KYNU: variants seen among roughly 807,000 people sequenced by gnomAD.
KYNU encodes the protein L-kynurenine hydrolase.
Under a neutral mutation model 59.2 loss-of-function variants are expected in KYNU, and 54 were observed. That is an observed-to-expected ratio of 0.91 (90% CI 0.73 to 1.14). The LOEUF is 1.14. Ranked by LOEUF, KYNU falls within the 50% of genes most tolerant of loss-of-function variation. The probability of loss-of-function intolerance (pLI) is 0.00; values close to 1 mark genes in which losing one functional copy is unlikely to be tolerated. For synonymous variants in KYNU, 177 were observed against 192.0 expected, an observed-to-expected ratio of 0.92 and a Z score of 0.65; for missense variants, 567 against 554.4, an observed-to-expected ratio of 1.02 and a Z score of -0.23.
intron 10 of KYNU, among the ~76,000 whole-genome samples, chr2:143,017,184 C>T (rs1232956245): frequency 7.2e-5 from 11 of 152,038 alleles, no homozygotes; most frequent in Non-Finnish European, 1.6e-4. Flanking sequence ...CATGTCTGTG[C>T]TATTGTGAGT....
At chr2:142,886,406 A>T (rs890050400) in intron 2 of KYNU, among the ~76,000 whole-genome samples, 40 of 152,306 alleles carry the variant, frequency 2.6e-4, no homozygotes, top group African/African-American at 9.6e-4. Context: ...TGTTAAAAAC[A>T]CCTATTTGTC....
At chr2:143,007,300 G>T (rs965599285) in intron 10 of KYNU, among the ~76,000 whole-genome samples, 1 of 150,038 alleles carries the variant, frequency 6.7e-6, no homozygotes, top group Admixed American at 6.6e-5. Context: ...TGGAAGAAAG[G>T]GTATCAGCGA....
At chr2:143,002,815 A>G (rs352887) in intron 10 of KYNU, among the ~76,000 whole-genome samples, 89,694 of 152,128 alleles carry the variant, frequency 0.59, 27,398 homozygotes, top group East Asian at 0.78. Context: ...TCCACAGAAA[A>G]CATTATGTGC....
intron 10 of KYNU, among the ~76,000 whole-genome samples, chr2:143,005,420 C>T (rs1395886552): frequency 6.6e-6 from 1 of 152,118 alleles, no homozygotes; most frequent in Non-Finnish European, 1.5e-5. Context: ...TAAGAGTTTC[C>T]AGCGACCTAG....
chr2:142,924,699 T>G (rs1223189739), intron 3 of KYNU, among the ~76,000 whole-genome samples: 1 of 152,214 alleles, frequency 6.6e-6, no homozygotes, highest in Admixed American at 6.5e-5. Flanking sequence ...TGGCAGTGAG[T>G]TAACTCTCTC....
intron 8 of KYNU, among the ~76,000 whole-genome samples, chr2:142,979,195 A>G (rs920374618): frequency 2.6e-5 from 4 of 152,198 alleles, no homozygotes; most frequent in Admixed American, 2.6e-4. Flanking sequence ...ATTCTCAACT[A>G]CTATTTTGCC....
At chr2:142,910,056 T>C (rs1682426521) in intron 2 of KYNU, among the ~76,000 whole-genome samples, 1 of 152,070 alleles carries the variant, frequency 6.6e-6, no homozygotes, top group African/African-American at 2.4e-5. Flanking sequence ...CAATTATTGA[T>C]GTTGAGCATT....
At chr2:142,944,380 A>C (rs1222029899) in intron 4 of KYNU, among the ~76,000 whole-genome samples, 2 of 152,188 alleles carry the variant, frequency 1.3e-5, no homozygotes, top group Admixed American at 1.3e-4. Context: ...CAAAAATATG[A>C]TGTTCAATAA....
rs59980912 is a variant in KYNU at position 143,044,101 on chromosome 2, C to T, written c.*1929C>T. ...ACATGCAGTGTTTGATTTTCTGTTCCTCTGTTAGTTTGCTGAGAATGATGG... is the reference window on the plus strand; with the variant it reads ...ACATGCAGTGTTTGATTTTCTGTTCTTCTGTTAGTTTGCTGAGAATGATGG... On this transcript the variant is annotated 3_prime_UTR_variant, in exon 14 of 14. Transcript: ENST00000264170. The T allele has an allele frequency of 0.16, 23,831 of 151,772 alleles. 1,934 individuals carry two copies. Among genetic ancestry groups the T allele is most frequent in the East Asian group, 0.27 (1,376 of 5,152 alleles). 9.4% of individuals were successfully genotyped at this position (151,772 alleles called of 1,614,324 possible).
At chr2:142,958,071 C>G (rs988920316) in intron 7 of KYNU, 6 of 254,766 alleles carry the variant, frequency 2.4e-5, no homozygotes, top group African/African-American at 1.4e-4. Context: ...TGCTAAAGAC[C>G]AGAATTATTT....
chr2:142,908,923 C>T (rs565194683), intron 2 of KYNU, among the ~76,000 whole-genome samples: 20 of 152,190 alleles, frequency 1.3e-4, no homozygotes, highest in African/African-American at 3.9e-4. Context: ...TGTGAGACAC[C>T]GTGCCCAGCC....
At chr2:142,975,055 G>A (rs1226909624) in intron 8 of KYNU, among the ~76,000 whole-genome samples, 1 of 152,122 alleles carries the variant, frequency 6.6e-6, no homozygotes, top group Non-Finnish European at 1.5e-5. Flanking sequence ...CCCAGCAGAG[G>A]CCTCACCCTC....
intron 13 of KYNU, among the ~76,000 whole-genome samples, chr2:143,041,508 T>C (rs1558989507): frequency 6.6e-6 from 1 of 152,030 alleles, no homozygotes; most frequent in Non-Finnish European, 1.5e-5. Context: ...ATAAACTATA[T>C]ACTATATTGT....
intron 4 of KYNU, among the ~76,000 whole-genome samples, chr2:142,930,670 CACCTAAGGAT>C (rs1683179523): frequency 6.6e-6 from 1 of 152,110 alleles, no homozygotes; most frequent in South Asian, 2.1e-4. Flanking sequence ...CTTATAAGGA[CACCTAAGGAT>C]ACCAGCTCTA....
At chr2:142,977,625 C>T (rs1024204630) in intron 8 of KYNU, among the ~76,000 whole-genome samples, 3 of 151,858 alleles carry the variant, frequency 2.0e-5, no homozygotes, top group Non-Finnish European at 4.4e-5. Flanking sequence ...TGAGGAGTTG[C>T]TATTCTCATT....
intron 4 of KYNU, among the ~76,000 whole-genome samples, chr2:142,932,218 G>A (rs1331175067): frequency 6.6e-6 from 1 of 152,168 alleles, no homozygotes; most frequent in Non-Finnish European, 1.5e-5. Context: ...TAACCGACAT[G>A]GAAAGAGTTG....
At chr2:143,022,031 T>C (rs2105218600) in intron 10 of KYNU, among the ~76,000 whole-genome samples, 1 of 152,298 alleles carries the variant, frequency 6.6e-6, no homozygotes, top group South Asian at 2.1e-4. Context: ...AGTATCTGAA[T>C]ATTTATATCA....
chr2:142,978,987 C>T (rs1684974810), intron 8 of KYNU, among the ~76,000 whole-genome samples: 2 of 152,058 alleles, frequency 1.3e-5, no homozygotes, highest in South Asian at 2.1e-4. Flanking sequence ...TCAGCTTTAC[C>T]ATTTTATGTT....
chr2:142,932,625 G>A lies in KYNU; in HGVS notation c.373+4884G>A, dbSNP rs537553144. Among the ~76,000 whole-genome samples the A allele has an allele frequency of 9.2e-5, 14 of 152,158 alleles. 1 individual carries two copies. In the South Asian group the frequency reaches 2.7e-3, roughly 29 times the overall value. On this transcript the variant is annotated intron_variant, in intron 4 of 13. Transcript: ENST00000264170. Reference sequence around the variant, plus strand: ...CGAGTGTGACTGTACTATATGGAACGTATAATGAATGACAAATTGAATATA... The same window carrying A: ...CGAGTGTGACTGTACTATATGGAACATATAATGAATGACAAATTGAATATA...
Sources: gnomAD v4.1 joint callset for allele counts (sites outside exome capture counted in the v4.1 genomes callset) on GRCh38, gnomAD v4.1.1 for gene constraint, MANE v1.5 for transcripts, NCBI Gene and HGNC (gene_info 2026-07-23, HGNC 2026-07-21) for gene names.